Variants in SLC16A12 observed in about 807,000 individuals in gnomAD.
SLC16A12 encodes monocarboxylate transporter 12.
Under a neutral mutation model 42.4 loss-of-function variants are expected in SLC16A12, and 17 were observed. The observed-to-expected ratio is 0.40, with a 90% CI of 0.27 to 0.60. SLC16A12 has a LOEUF of 0.60. Among genes scored for constraint, SLC16A12 ranks in the 20% least tolerant of loss-of-function variants. The pLI, the probability that SLC16A12 is intolerant of heterozygous loss-of-function variation, is 0.42. For missense variants in SLC16A12, 544 were observed against 623.0 expected, an observed-to-expected ratio of 0.87 and a Z score of 1.35; for synonymous variants, 224 against 229.4, an observed-to-expected ratio of 0.98 and a Z score of 0.21.
At chr10:89,507,486 T>C (rs916587647) in intron 2 of SLC16A12, among the ~76,000 whole-genome samples, 1 of 152,112 alleles carries the variant, frequency 6.6e-6, no homozygotes, top group African/African-American at 2.4e-5. Context: ...GCTTCATAAG[T>C]GAAGAAGAAA....
intron 2 of SLC16A12, among the ~76,000 whole-genome samples, chr10:89,490,273 C>G (rs1180657941): frequency 6.6e-6 from 1 of 152,164 alleles, no homozygotes; most frequent in Non-Finnish European, 1.5e-5. Flanking sequence ...ATATGTAAAA[C>G]AGTACTCTGT....
Position 89,441,339 on chromosome 10 carries a change from C to T in SLC16A12, c.305-88G>A, listed in dbSNP as rs188133042. ...ATGTGGCATTGACAGAGGAGAGAAC[C>T]TTTAAAGCATTGAGCCCACCCTATT... On this transcript the variant is annotated intron_variant, in intron 4 of 7. Transcript: ENST00000371790. 3.2e-6 allele frequency: 5 copies of T among 1,542,234 alleles called. No homozygotes were observed. In the East Asian group the frequency reaches 1.1e-4, roughly 35 times the overall value.
upstream of SLC16A12, among the ~76,000 whole-genome samples, chr10:89,536,997 C>T (rs1489967336): frequency 6.6e-6 from 1 of 151,598 alleles, no homozygotes; most frequent in Non-Finnish European, 1.5e-5. Context: ...GCCACCACGC[C>T]CAGCTAATTT....
At chr10:89,499,133 C>T (rs1229891051) in intron 2 of SLC16A12, among the ~76,000 whole-genome samples, 1 of 152,096 alleles carries the variant, frequency 6.6e-6, no homozygotes, top group African/African-American at 2.4e-5. Context: ...GAAGAAATCC[C>T]CGATTTACCT....
intron 2 of SLC16A12, among the ~76,000 whole-genome samples, chr10:89,482,236 CAA>C (rs368466973): frequency 2.1e-4 from 22 of 106,460 alleles, no homozygotes; most frequent in Non-Finnish European, 2.6e-4. Flanking sequence ...AAGAATACAC[CAA>C]AAAAAAAAAA....
At chr10:89,543,808 C>G (rs1188300713) in intron 2 of SLC16A12, among the ~76,000 whole-genome samples, 1 of 152,034 alleles carries the variant, frequency 6.6e-6, no homozygotes, top group African/African-American at 2.4e-5. Context: ...GCACTCCAGC[C>G]TGGGCAACAC....
In SLC16A12 at chr10:89,499,879, A is replaced by T. The variant is rs1461806810; in HGVS notation, c.-47+34622T>A. Among the ~76,000 whole-genome samples the T allele has an allele frequency of 3.9e-5, 6 of 152,314 alleles. No homozygotes were observed. The South Asian group carries it at 1.0e-3, about 26-fold the overall frequency. On this transcript the variant is annotated intron_variant, in intron 2 of 7. Transcript: ENST00000371790. ...AAAAGGATGGTTCTCTGAAAAGATAAATGAAATTGTTAGACCATTACTAAG... is the reference window on the plus strand; with the variant it reads ...AAAAGGATGGTTCTCTGAAAAGATATATGAAATTGTTAGACCATTACTAAG...
intron 5 of SLC16A12, among the ~76,000 whole-genome samples, 193 bp downstream of exon 5, chr10:89,440,915 T>C (rs1841897737): frequency 6.6e-6 from 1 of 152,242 alleles, no homozygotes; most frequent in Non-Finnish European, 1.5e-5. Flanking sequence ...TGAATTACAG[T>C]GGAGATGCAT....
chr10:89,464,289 C>T (rs757579636), intron 2 of SLC16A12, among the ~76,000 whole-genome samples: 2 of 152,220 alleles, frequency 1.3e-5, no homozygotes, highest in African/African-American at 4.8e-5. Flanking sequence ...ACCCTGACTG[C>T]AGCTTTGTGA....
upstream of SLC16A12, among the ~76,000 whole-genome samples, chr10:89,539,963 TTCTTTCTTTCTC>T (rs796222867): frequency 1.5e-4 from 22 of 147,786 alleles, no homozygotes; most frequent in African/African-American, 5.5e-4. Flanking sequence ...TCTTTCTTCT[TTCTTTCTTTCTC>T]TCTTTCTTTC....
At chr10:89,493,635 G>A (rs1283902782) in intron 2 of SLC16A12, among the ~76,000 whole-genome samples, 1 of 152,182 alleles carries the variant, frequency 6.6e-6, no homozygotes, top group Non-Finnish European at 1.5e-5. Flanking sequence ...ATATGTGGCT[G>A]AGCCAGAATG....
At chr10:89,438,050 A>T (rs1176037411) in intron 6 of SLC16A12, among the ~76,000 whole-genome samples, 1 of 151,988 alleles carries the variant, frequency 6.6e-6, no homozygotes, top group Non-Finnish European at 1.5e-5. Context: ...TAACACCACC[A>T]CACCCAGCCA....
intron 2 of SLC16A12, among the ~76,000 whole-genome samples, chr10:89,526,126 G>A (rs932061186): frequency 1.3e-5 from 2 of 151,898 alleles, no homozygotes; most frequent in Admixed American, 1.3e-4. Flanking sequence ...ACCCCATCAT[G>A]CTACCCCCCG....
rs1841703116 is a variant in SLC16A12 at position 89,432,070 on chromosome 10, A to G, written c.*994T>C. ...TCTGCAAAGAAAACTCTCACCAGAG[A>G]CCTGCTGATTCAAGAATTCAGTTCC... On this transcript the variant is annotated 3_prime_UTR_variant, in exon 8 of 8. Transcript: ENST00000371790. 6.6e-6 allele frequency: 1 copy of G among 152,634 alleles called. No homozygotes were observed. Among genetic ancestry groups the G allele is most frequent in the Non-Finnish European group, 1.5e-5 (1 of 68,030 alleles). The allele number at this position is 152,634 out of a possible 1,614,324, so 9.5% of individuals were successfully genotyped here. A position where few individuals can be genotyped will look rare whatever the true frequency, so the allele number is the denominator to read the frequency against.
intron 2 of SLC16A12, among the ~76,000 whole-genome samples, chr10:89,552,570 T>C (rs544594481): frequency 6.6e-6 from 1 of 152,202 alleles, no homozygotes; most frequent in African/African-American, 2.4e-5. Flanking sequence ...GTGTGAGTGA[T>C]TGTGGATGAT....
At chr10:89,445,624 T>G (rs889802668) in intron 3 of SLC16A12, among the ~76,000 whole-genome samples, 3 of 151,818 alleles carry the variant, frequency 2.0e-5, no homozygotes, top group African/African-American at 7.3e-5. Context: ...AGACCAAAGG[T>G]AGATAAAACC....
intron 3 of SLC16A12, among the ~76,000 whole-genome samples, chr10:89,459,103 GAT>G (rs936349260): frequency 2.6e-5 from 4 of 152,198 alleles, no homozygotes; most frequent in Non-Finnish European, 4.4e-5. Context: ...TTTGCACTAA[GAT>G]ATACATTTTA....
chr10:89,486,254 C>A (rs7094200), intron 2 of SLC16A12, among the ~76,000 whole-genome samples: 3,766 of 151,932 alleles, frequency 0.025, 109 homozygotes, highest in African/African-American at 0.052. Flanking sequence ...CATATGGCTC[C>A]CTTATTTTCT....
At chr10:89,544,689 A>G (rs1206879140) in intron 2 of SLC16A12, among the ~76,000 whole-genome samples, 1 of 152,170 alleles carries the variant, frequency 6.6e-6, no homozygotes, top group African/African-American at 2.4e-5. Flanking sequence ...TGTATGTATT[A>G]TTTCATTCCG....
Sources: allele counts gnomAD v4.1 joint callset (sites outside exome capture counted in the v4.1 genomes callset), GRCh38; gene constraint gnomAD v4.1.1; transcripts MANE v1.5; gene names NCBI Gene and HGNC (gene_info 2026-07-23, HGNC 2026-07-21).